CSNK2A2: variants seen among roughly 807,000 people sequenced by gnomAD.
CSNK2A2 encodes casein kinase 2 alpha 2.
CSNK2A2 carries 8 observed loss-of-function variants against 54.0 expected under a neutral mutation model. The observed-to-expected ratio is 0.15, with a 90% CI of 0.09 to 0.27. The LOEUF is 0.27. CSNK2A2 is among the 10% of genes least tolerant of loss of function. The probability of loss-of-function intolerance (pLI) is 1.00; values close to 1 mark genes in which losing one functional copy is unlikely to be tolerated. For missense variants in CSNK2A2, 242 were observed against 439.4 expected, an observed-to-expected ratio of 0.55 and a Z score of 4.02; for synonymous variants, 141 against 153.9, an observed-to-expected ratio of 0.92 and a Z score of 0.62.
intron 4 of CSNK2A2, among the ~76,000 whole-genome samples, chr16:58,183,141 C>G (rs890269221): frequency 6.6e-6 from 1 of 151,788 alleles, no homozygotes; most frequent in South Asian, 2.1e-4. Context: ...GGGTGGATCA[C>G]CTGAGGTCAG....
At chr16:58,171,958 C>CATATATATATATATATACATATAT (rs1961748874) in intron 5 of CSNK2A2, among the ~76,000 whole-genome samples, 2 of 31,316 alleles carry the variant, frequency 6.4e-5, no homozygotes, top group South Asian at 1.4e-3. Context: ...CTGGAGCATG[C>CATATATATATATATATACATATAT]ATATATATAT....
chr16:58,181,179 A>C (rs1392144967), intron 4 of CSNK2A2, among the ~76,000 whole-genome samples: 1 of 152,232 alleles, frequency 6.6e-6, no homozygotes, highest in East Asian at 1.9e-4. Flanking sequence ...GTAAGAACTA[A>C]GAAGATAGGA....
intron 2 of CSNK2A2, among the ~76,000 whole-genome samples, chr16:58,191,270 A>G (rs568157710): frequency 5.9e-5 from 9 of 152,332 alleles, no homozygotes; most frequent in African/African-American, 1.9e-4. Context: ...TACAAGATGA[A>G]GAGTTATGGA....
Position 58,197,772 on chromosome 16 carries a change from G to A in CSNK2A2, c.-36C>T. 1 of 757,074 alleles carries A rather than the reference G, an allele frequency of 1.3e-6. No homozygotes were observed. Among genetic ancestry groups the A allele is most frequent in the Non-Finnish European group, 1.6e-6 (1 of 615,486 alleles). The allele number at this position is 757,074 out of a possible 1,614,324, so 46.9% of individuals were successfully genotyped here. A position where few individuals can be genotyped will look rare whatever the true frequency, so the allele number is the denominator to read the frequency against. ...ACCGGGGGGCGGCGCGGGGCGCAGA[G>A]GGTGGCGGCGGCGGCGCGGCGGGGG... On this transcript the variant is annotated 5_prime_UTR_variant, in exon 1 of 12. Transcript: ENST00000262506. This position sits in a 1 kb window ranked among gnomAD's most constrained non-coding sequence, Gnocchi z 4.0.
rs1192566620 is a variant in CSNK2A2 at position 58,157,963 on chromosome 16, T to C, written c.*408A>G. ...TACTTTTAAAATAATAATATGTAACTGCCGCCATGCCACATACTGCGCCCG... is the reference window on the plus strand; with the variant it reads ...TACTTTTAAAATAATAATATGTAACCGCCGCCATGCCACATACTGCGCCCG... On this transcript the variant is annotated 3_prime_UTR_variant, in exon 12 of 12. Coordinates refer to ENST00000262506, the MANE Select transcript of CSNK2A2 (RefSeq NM_001896.4). 1 of 152,630 alleles carries C rather than the reference T, an allele frequency of 6.6e-6. No homozygotes were observed. Among genetic ancestry groups the C allele is most frequent in the Non-Finnish European group, 1.5e-5 (1 of 68,046 alleles). The allele number at this position is 152,630 out of a possible 1,614,324, so 9.5% of individuals were successfully genotyped here. A position where few individuals can be genotyped will look rare whatever the true frequency, so the allele number is the denominator to read the frequency against.
intron 5 of CSNK2A2, chr16:58,173,980 G>A (rs1961809351): frequency 6.6e-6 from 1 of 152,580 alleles, no homozygotes; most frequent in South Asian, 2.1e-4. Flanking sequence ...GCTGGAGGAT[G>A]AGACCTCAGC....
In CSNK2A2 at chr16:58,166,599, T is replaced by C. The variant is rs375864630; in HGVS notation, c.812A>G (p.Asn271Ser). 2.1e-5 allele frequency: 34 copies of C among 1,608,966 alleles called. No homozygotes were observed. Among genetic ancestry groups the C allele is most frequent in the East Asian group, 6.7e-5 (3 of 44,874 alleles). ...KYHIDLDPHF[N>S]DILGQHSRKR... ...TCTTACTTACTGTCCCAGGATATCG[T>C]TGAAGTGTGGATCTAGGTCTATGTG... The change falls in exon 9 of 12, where the codon AAC becomes AGC. Residue 271 changes from asparagine (N) to serine (S), a missense_variant. Asn to Ser is a conservative substitution (Grantham distance 46). Around this residue, in one of 5 missense-constraint regions of CSNK2A2, gnomAD observed 81 missense variants for 135.0 expected, o/e 0.60. Coordinates refer to ENST00000262506, the MANE Select transcript of CSNK2A2 (RefSeq NM_001896.4).
At position 58,165,701 on chromosome 16, in the gene CSNK2A2, G is replaced by A. The variant is rs1289137648; in HGVS notation, c.835C>T (p.Arg279Trp). The A allele has an allele frequency of 1.2e-6, 2 of 1,607,008 alleles. No homozygotes were observed. The highest frequency in any genetic ancestry group is 1.7e-6 in the Non-Finnish European group (2 of 1,178,070). Residue 279 changes from arginine to tryptophan, a missense_variant, in exon 10 of 12, where the codon CGG becomes TGG. Coordinates refer to ENST00000262506, the MANE Select transcript of CSNK2A2 (RefSeq NM_001896.4). The stretch of plus-strand genomic sequence containing the variant: ...TGGATAAAGTTTTCCCAGCGTTTCC[G>A]TGAATGTCTGAGAAGAAAAATGAAG... ...HFNDILGQHS[R>W]KRWENFIHSE... is the part of the protein sequence containing the mutation.
intron 5 of CSNK2A2, among the ~76,000 whole-genome samples, chr16:58,173,083 G>A (rs987881339): frequency 1.3e-5 from 2 of 152,184 alleles, no homozygotes; most frequent in African/African-American, 4.8e-5. Flanking sequence ...GATTACTCAG[G>A]AAGCACTTCC....
intron 2 of CSNK2A2, among the ~76,000 whole-genome samples, chr16:58,187,919 G>C (rs749649120): frequency 3.3e-5 from 5 of 152,126 alleles, no homozygotes; most frequent in African/African-American, 7.2e-5. Flanking sequence ...CGGGAGAAAC[G>C]TAACTAAGGA....
chr16:58,162,638 G>C (rs993502254), intron 11 of CSNK2A2: 5 of 152,174 alleles, frequency 3.3e-5, no homozygotes, highest in African/African-American at 1.2e-4. Context: ...AAATCTTAAA[G>C]GGTGATGTGG....
At chr16:58,180,021 T>C (rs1293245205) in intron 4 of CSNK2A2, among the ~76,000 whole-genome samples, 5 of 150,112 alleles carry the variant, frequency 3.3e-5, no homozygotes, top group East Asian at 2.0e-4. Context: ...GGAGGTTGCA[T>C]TGAGCCAAGA....
At chr16:58,163,253 C>CAAAAAAAAAA (rs55808367) in intron 11 of CSNK2A2, 1 of 66,592 alleles carries the variant, frequency 1.5e-5, no homozygotes, top group African/African-American at 6.9e-5. Context: ...ACAAGGCTGC[C>CAAAAAAAAAA]AAAAAAAAAA....
intron 5 of CSNK2A2, among the ~76,000 whole-genome samples, chr16:58,170,714 T>C (rs1961711279): frequency 6.6e-6 from 1 of 152,132 alleles, no homozygotes. Context: ...TTGATTTTTA[T>C]TTCCATAATG....
chr16:58,163,052 GGAGA>G (rs941894040), intron 11 of CSNK2A2: 2 of 152,090 alleles, frequency 1.3e-5, no homozygotes, highest in South Asian at 2.1e-4. Flanking sequence ...AAAGGAGGTG[GGAGA>G]GAGATATTTT....
chr16:58,160,823 TTGTC>T (rs1376617111), intron 11 of CSNK2A2: 1 of 152,284 alleles, frequency 6.6e-6, no homozygotes, highest in Non-Finnish European at 1.5e-5. Context: ...GATTACGAGT[TTGTC>T]TGTCTCCTCT....
chr16:58,169,003 T>C (rs1254218847), intron 5 of CSNK2A2, among the ~76,000 whole-genome samples: 2 of 151,782 alleles, frequency 1.3e-5, no homozygotes, highest in Non-Finnish European at 2.9e-5. Context: ...CTCGGCTCAC[T>C]GCAAGCTCTG....
At chr16:58,160,962 C>T (rs1961328648) in intron 11 of CSNK2A2, 1 of 152,312 alleles carries the variant, frequency 6.6e-6, no homozygotes, top group Admixed American at 6.5e-5. Context: ...GTTTAAGTGC[C>T]TCAATGAACG....
rs79246240 is a variant in CSNK2A2, at chr16:58,170,931, C to T, written c.430-2238G>A. 3.1e-3 allele frequency among the ~76,000 whole-genome samples: 472 copies of T among 152,180 alleles called. 13 individuals carry two copies. The East Asian group carries it at 0.077, about 25-fold the overall frequency. On this transcript the variant is annotated intron_variant, in intron 5 of 11. Transcript: ENST00000262506. Reference sequence around the variant, plus strand: ...AGGACCTTTGGCTAATCTTAACAAGCACCTGAATCCTACACAAGGTCAATG... The same window carrying T: ...AGGACCTTTGGCTAATCTTAACAAGTACCTGAATCCTACACAAGGTCAATG...
Sources: gnomAD v4.1 joint callset for allele counts (sites outside exome capture counted in the v4.1 genomes callset) on GRCh38, gnomAD v4.1.1 for gene constraint, gnomAD v4.1.1 regional missense constraint, Gnocchi (gnomAD v3.1) non-coding constraint, MANE v1.5 for transcripts, NCBI Gene and HGNC (gene_info 2026-07-23, HGNC 2026-07-21) for gene names.